CALCR: variants seen among roughly 807,000 people sequenced by gnomAD.
CALCR encodes calcitonin receptor.
CALCR carries 47 observed loss-of-function variants against 59.5 expected under a neutral mutation model. The ratio of observed to expected loss-of-function variants is 0.79; its 90% CI spans 0.63 to 1.01. The LOEUF is 1.01. Among genes scored for constraint, CALCR ranks in the 50% least tolerant of loss-of-function variants. CALCR has a pLI of 0.00. For synonymous variants in CALCR, 213 were observed against 211.3 expected, an observed-to-expected ratio of 1.01 and a Z score of -0.07; for missense variants, 566 against 597.1, an observed-to-expected ratio of 0.95 and a Z score of 0.54.
At chr7:93,443,215 G>C (rs945217058) in intron 9 of CALCR, among the ~76,000 whole-genome samples, 6 of 152,088 alleles carry the variant, frequency 3.9e-5, no homozygotes, top group Non-Finnish European at 7.4e-5. Context: ...ATGAAGCCAG[G>C]GTAGGGGAGG....
intron 2 of CALCR, among the ~76,000 whole-genome samples, chr7:93,531,956 A>T (rs1788853269): frequency 6.6e-6 from 1 of 151,978 alleles, no homozygotes; most frequent in African/African-American, 2.4e-5. Flanking sequence ...AACAATGATC[A>T]TGAATGTGAT....
intron 9 of CALCR, among the ~76,000 whole-genome samples, chr7:93,439,036 G>GA (rs1453513190): frequency 6.6e-6 from 1 of 151,786 alleles, no homozygotes; most frequent in East Asian, 1.9e-4. Flanking sequence ...CATTAAAAAA[G>GA]AAAAAATAAG....
intron 5 of CALCR, among the ~76,000 whole-genome samples, chr7:93,475,441 C>T (rs1303981584): frequency 5.3e-5 from 8 of 151,620 alleles, no homozygotes; most frequent in Non-Finnish European, 5.9e-5. Context: ...GAAAATTTGT[C>T]GATTATTTTG....
intron 7 of CALCR, among the ~76,000 whole-genome samples, chr7:93,467,096 T>C (rs948746824): frequency 6.6e-6 from 1 of 151,826 alleles, no homozygotes; most frequent in East Asian, 1.9e-4. Context: ...TTTAGTGGCA[T>C]ATTTTAAAAT....
chr7:93,431,929 G>T (rs2115671909), intron 13 of CALCR, among the ~76,000 whole-genome samples: 1 of 152,206 alleles, frequency 6.6e-6, no homozygotes, highest in South Asian at 2.1e-4. Context: ...TCTTTTTCAG[G>T]TCTCTTAGGT....
intron 2 of CALCR, among the ~76,000 whole-genome samples, chr7:93,540,722 TATATTTATATTATATA>T (rs1189232771): frequency 6.7e-5 from 4 of 59,468 alleles, no homozygotes; most frequent in Non-Finnish European, 1.6e-4. Flanking sequence ...ATATATATTA[TATATTTATATTATATA>T]ATATTATATT....
In CALCR at chr7:93,564,253, G is replaced by C. The variant is rs149979914; in HGVS notation, c.-27+10036C>G. On this transcript the variant is annotated intron_variant, in intron 2 of 13. Coordinates refer to ENST00000426151, the MANE Select transcript of CALCR (RefSeq NM_001742.4). ...TGGGAACCAAGTGGTGAATGTGTGGGGGGGGACAGAGTGCTGGTGGGCAGG... is the reference window on the plus strand; with the variant it reads ...TGGGAACCAAGTGGTGAATGTGTGGCGGGGGACAGAGTGCTGGTGGGCAGG... 1.8e-3 allele frequency among the ~76,000 whole-genome samples: 267 copies of C among 152,206 alleles called. 1 individual carries two copies. Among genetic ancestry groups the C allele is most frequent in the African/African-American group, 6.0e-3 (248 of 41,508 alleles).
intron 2 of CALCR, among the ~76,000 whole-genome samples, chr7:93,487,599 AATC>A (rs1485201075): frequency 1.3e-5 from 2 of 151,520 alleles, no homozygotes; most frequent in Admixed American, 1.3e-4. Context: ...TGAAGAGCAT[AATC>A]ATCCAAACAG....
At chr7:93,561,151 G>A (rs1789737771) in intron 2 of CALCR, among the ~76,000 whole-genome samples, 2 of 152,136 alleles carry the variant, frequency 1.3e-5, no homozygotes, top group East Asian at 1.9e-4. Flanking sequence ...ACTGTGTCAC[G>A]GAGTGTTGGG....
chr7:93,444,317 T>C lies in CALCR; in HGVS notation c.649-560A>G, dbSNP rs191365456. On this transcript the variant is annotated intron_variant, in intron 8 of 13. Coordinates refer to ENST00000426151, the MANE Select transcript of CALCR (RefSeq NM_001742.4). ...GTTTGTATATTGGGATCAAGCGCTCTCTGGGCACAGAGATTAGGATGACAT... is the reference window on the plus strand; with the variant it reads ...GTTTGTATATTGGGATCAAGCGCTCCCTGGGCACAGAGATTAGGATGACAT... Among the ~76,000 whole-genome samples, 41 of 152,208 alleles carry C rather than the reference T, an allele frequency of 2.7e-4. No individual in the cohort carries two copies. In the South Asian group the frequency reaches 7.5e-3, roughly 28 times the overall value.
At chr7:93,530,436 C>T (rs1268426224) in intron 2 of CALCR, among the ~76,000 whole-genome samples, 2 of 152,060 alleles carry the variant, frequency 1.3e-5, no homozygotes, top group African/African-American at 4.8e-5. Context: ...TTTAATGCCG[C>T]ATCACTCAAT....
chr7:93,461,407 T>A (rs1396981769), intron 7 of CALCR, among the ~76,000 whole-genome samples: 1 of 152,160 alleles, frequency 6.6e-6, no homozygotes, highest in Non-Finnish European at 1.5e-5. Flanking sequence ...TGAATCTATG[T>A]CCTTGAGCCA....
chr7:93,484,133 C>G (rs556302486), intron 3 of CALCR: 13 of 310,336 alleles, frequency 4.2e-5, no homozygotes, highest in African/African-American at 2.3e-4. Context: ...AGCAGTGAAC[C>G]AAACTGGCAA....
chr7:93,425,929 G>C lies in CALCR; in HGVS notation c.*427C>G, dbSNP rs1799516359. The C allele has an allele frequency of 6.5e-6, 1 of 154,994 alleles. No individual in the cohort carries two copies. The highest frequency in any genetic ancestry group is 2.4e-5 in the African/African-American group (1 of 41,474). 9.6% of individuals were successfully genotyped at this position (154,994 alleles called of 1,614,324 possible). On this transcript the variant is annotated 3_prime_UTR_variant, in exon 14 of 14. Transcript: ENST00000426151. Reference sequence around the variant, plus strand: ...TGAAATTTAAAAAAATTAAAAATCAGATCCATAGCCAAATACAGAAATAAT... The same window carrying C: ...TGAAATTTAAAAAAATTAAAAATCACATCCATAGCCAAATACAGAAATAAT...
intron 2 of CALCR, among the ~76,000 whole-genome samples, chr7:93,504,542 A>C (rs7789256): frequency 0.18 from 26,863 of 151,924 alleles, 5,804 homozygotes; most frequent in African/African-American, 0.51. Context: ...CCATCTTGGG[A>C]AGACATTCAA....
intron 2 of CALCR, among the ~76,000 whole-genome samples, chr7:93,547,748 G>C (rs970945424): frequency 6.6e-6 from 1 of 152,056 alleles, no homozygotes; most frequent in Non-Finnish European, 1.5e-5. Context: ...GCAAGTAATT[G>C]GTCCCAGTAA....
chr7:93,480,471 A>G (rs1308057968), intron 3 of CALCR, among the ~76,000 whole-genome samples: 3 of 151,682 alleles, frequency 2.0e-5, no homozygotes, highest in Admixed American at 2.0e-4. Context: ...TTTCTATCAT[A>G]CCCGTTGAAA....
chr7:93,497,593 C>A (rs1345928183), intron 2 of CALCR, among the ~76,000 whole-genome samples: 1 of 151,548 alleles, frequency 6.6e-6, no homozygotes, highest in Non-Finnish European at 1.5e-5. Context: ...TCAGAGTGGT[C>A]TCTCCAACCA....
At chr7:93,496,875 A>G (rs1316996642) in intron 2 of CALCR, among the ~76,000 whole-genome samples, 2 of 151,800 alleles carry the variant, frequency 1.3e-5, no homozygotes, top group East Asian at 3.9e-4. Flanking sequence ...ACCACAGGAT[A>G]GGCTGGTTTG....
Sources: gnomAD v4.1 joint callset for allele counts (sites outside exome capture counted in the v4.1 genomes callset) on GRCh38, gnomAD v4.1.1 for gene constraint, MANE v1.5 for transcripts, NCBI Gene and HGNC (gene_info 2026-07-23, HGNC 2026-07-21) for gene names.